Variants in MIS18BP1 observed in about 807,000 individuals in gnomAD.
MIS18BP1 encodes MIS18 binding protein 1, also known as mis18-binding protein 1.
In MIS18BP1, 72 loss-of-function variants were observed where a neutral mutation model predicts 116.1. The ratio of observed to expected loss-of-function variants is 0.62; its 90% confidence interval spans 0.51 to 0.75. MIS18BP1 has a LOEUF of 0.75. Among genes scored for constraint, MIS18BP1 ranks in the 30% least tolerant of loss-of-function variants. MIS18BP1 has a pLI of 0.00. For missense variants in MIS18BP1, 1,363 were observed against 1,303.2 expected (o/e 1.05, Z -0.71); for synonymous variants, 386 against 427.0 (o/e 0.90, Z 1.18).
chr14:45,235,914 A>G lies in MIS18BP1; in HGVS notation c.1248T>C (p.Asn416=), dbSNP rs1446035131. 6.2e-7 allele frequency: 1 copy of G among 1,610,758 alleles called. No homozygotes were observed. Among genetic ancestry groups the G allele is most frequent in the Non-Finnish European group, 8.5e-7 (1 of 1,178,368 alleles). ...TGTGCTCAATCCGCTCTATAATTAC[A>G]TTACTGTGCCAATATATGTTAGTGA... is the stretch of plus-strand genomic sequence containing the variant. The part of the protein sequence containing the change: ...IDVTNIYWHS[N]VIIERIEHNK... The change falls in exon 6 of 17, where the codon AAT becomes AAC. Residue 416 remains asparagine, a synonymous_variant. Coordinates refer to ENST00000310806, the MANE Select transcript of MIS18BP1 (RefSeq NM_018353.5).
Position 45,217,006 on chromosome 14 carries a change from T to C in MIS18BP1, c.3003+13A>G, listed in dbSNP as rs577970286. ...AATACAGATAAGGAAAACAATGATT[T>C]CATGCCTCTTACCAGTATTCTTTGA... On this transcript the variant is annotated intron_variant, in intron 13 of 16. Transcript: ENST00000310806. 2 of 1,611,022 alleles carry C rather than the reference T, an allele frequency of 1.2e-6. No individual in the cohort carries two copies. The highest frequency in any genetic ancestry group is 2.2e-5 in the South Asian group (2 of 90,648).
chr14:45,214,299 A>G (rs1265592240), intron 13 of MIS18BP1, among the ~76,000 whole-genome samples: 1 of 152,224 alleles, frequency 6.6e-6, no homozygotes, highest in Non-Finnish European at 1.5e-5. Context: ...AAACCGCCTT[A>G]AGGCTGGAGG....
In MIS18BP1 at chr14:45,218,468, A is replaced by C. The variant is rs1234434389; in HGVS notation, c.2670-14T>G. ...GATGCAAAAGCACTATGGAAGATCA[A>C]AACCAATTAAAGAATAAGAAATTCA... On this transcript the variant is annotated splice_polypyrimidine_tract_variant and intron_variant, in intron 11 of 16. Coordinates refer to ENST00000310806, the MANE Select transcript of MIS18BP1 (RefSeq NM_018353.5). The C allele has an allele frequency of 6.3e-7, 1 of 1,580,132 alleles. No individual in the cohort carries two copies. Among genetic ancestry groups the C allele is most frequent in the Non-Finnish European group, 8.5e-7 (1 of 1,170,080 alleles).
chr14:45,245,085 A>C (rs1483390387), intron 2 of MIS18BP1, among the ~76,000 whole-genome samples: 2 of 152,208 alleles, frequency 1.3e-5, no homozygotes, highest in African/African-American at 4.8e-5. Context: ...GTCTATGTTC[A>C]CTATTGCCAA....
At chr14:45,223,691 T>TTACTTTCCTCATACTTAGGCTTTCCTCG (rs1336577607) in intron 11 of MIS18BP1, among the ~76,000 whole-genome samples, 1 of 152,250 alleles carries the variant, frequency 6.6e-6, no homozygotes, top group African/African-American at 2.4e-5. Flanking sequence ...AAGGTCACTT[T>TTACTTTCCTCATACTTAGGCTTTCCTCG]TACTTTCCTC....
chr14:45,215,408 T>G (rs1280950387), intron 13 of MIS18BP1, among the ~76,000 whole-genome samples: 1 of 152,162 alleles, frequency 6.6e-6, no homozygotes, highest in African/African-American at 2.4e-5. Context: ...TCCACACATT[T>G]CTGCATTACT....
intron 1 of MIS18BP1, among the ~76,000 whole-genome samples, chr14:45,247,971 T>C (rs933265177): frequency 6.6e-6 from 1 of 152,022 alleles, no homozygotes; most frequent in African/African-American, 2.4e-5. Flanking sequence ...GTTTTCATTC[T>C]GATTTTTTTT....
intron 2 of MIS18BP1, among the ~76,000 whole-genome samples, chr14:45,246,404 C>A (rs1281284931): frequency 9.8e-5 from 15 of 152,286 alleles, no homozygotes; most frequent in Admixed American, 9.8e-4. Context: ...CCTCAAGATA[C>A]ATGTATCTGT....
chr14:45,225,144 T>A lies in MIS18BP1; in HGVS notation c.1841-398A>T, dbSNP rs1014363885. 2.6e-5 allele frequency among the ~76,000 whole-genome samples: 4 copies of A among 152,188 alleles called. No homozygotes were observed. In the East Asian group the frequency reaches 7.7e-4, roughly 29 times the overall value. On this transcript the variant is annotated intron_variant, in intron 10 of 16. Transcript: ENST00000310806. Reference sequence around the variant, plus strand: ...TTTTAATAATGTTGTCCACTCTGCTTTGAAGATGTTCTTCATTCATCTATA... The same window carrying A: ...TTTTAATAATGTTGTCCACTCTGCTATGAAGATGTTCTTCATTCATCTATA...
chr14:45,223,113 A>G (rs1287441709), intron 11 of MIS18BP1, among the ~76,000 whole-genome samples: 1 of 152,018 alleles, frequency 6.6e-6, no homozygotes, highest in Non-Finnish European at 1.5e-5. Context: ...AAACCAAACC[A>G]AACACTGGGG....
intron 13 of MIS18BP1, among the ~76,000 whole-genome samples, chr14:45,216,218 T>A (rs967792331): frequency 2.6e-5 from 4 of 152,226 alleles, no homozygotes; most frequent in African/African-American, 9.6e-5. Context: ...CTCTCAAGAA[T>A]AGAATAAATC....
intron 1 of MIS18BP1, among the ~76,000 whole-genome samples, chr14:45,248,955 G>A (rs1005406831): frequency 1.3e-5 from 2 of 152,160 alleles, no homozygotes; most frequent in Admixed American, 1.3e-4. Flanking sequence ...ACCCAGGCTG[G>A]AGTGCAGTGG....
At chr14:45,236,320 G>A (rs1891427687) in intron 5 of MIS18BP1, among the ~76,000 whole-genome samples, 6 of 152,150 alleles carry the variant, frequency 3.9e-5, no homozygotes, top group Admixed American at 3.9e-4. Flanking sequence ...CTTTTATGCA[G>A]AAAGTAGATT....
chr14:45,226,617 A>T (rs1235671382), intron 10 of MIS18BP1, 126 bp downstream of exon 10: 2 of 828,084 alleles, frequency 2.4e-6, no homozygotes, highest in African/African-American at 1.8e-5. Flanking sequence ...AAAACCAAAC[A>T]TTTAAAAACA....
At chr14:45,225,501 A>G (rs536970912) in intron 10 of MIS18BP1, among the ~76,000 whole-genome samples, 2 of 152,284 alleles carry the variant, frequency 1.3e-5, no homozygotes, top group East Asian at 3.9e-4. Flanking sequence ...TAAGAAAACC[A>G]GTAGTCACTG....
In MIS18BP1 at chr14:45,210,674, G is replaced by C. The variant is rs746672188; in HGVS notation, c.3004-146C>G. ...AAAAACAGTAGTACGTAGAGGAGTA[G>C]AGGCTAGAGGAACTCCATTTTAGAT... On this transcript the variant is annotated intron_variant, in intron 13 of 16. Coordinates refer to ENST00000310806, the MANE Select transcript of MIS18BP1 (RefSeq NM_018353.5). The C allele has an allele frequency of 2.2e-4, 197 of 879,008 alleles. 1 individual carries two copies. The highest frequency in any genetic ancestry group is 3.6e-4 in the African/African-American group (21 of 58,556). The allele number at this position is 879,008 out of a possible 1,614,324, so 54.5% of individuals were successfully genotyped here.
chr14:45,241,264 G>A (rs1033933822), intron 4 of MIS18BP1, among the ~76,000 whole-genome samples: 2 of 152,164 alleles, frequency 1.3e-5, no homozygotes, highest in African/African-American at 2.4e-5. Flanking sequence ...GAGGTCAGGA[G>A]TCAGAGACCA....
chr14:45,206,656 T>C (rs1315998288), intron 14 of MIS18BP1, among the ~76,000 whole-genome samples: 1 of 152,164 alleles, frequency 6.6e-6, no homozygotes, highest in Non-Finnish European at 1.5e-5. Flanking sequence ...AATGTGCCTA[T>C]GGAGATGGAC....
At chr14:45,220,353 CTTAT>C (rs1170539856) in intron 11 of MIS18BP1, among the ~76,000 whole-genome samples, 1 of 152,078 alleles carries the variant, frequency 6.6e-6, no homozygotes, top group Admixed American at 6.5e-5. Flanking sequence ...TTAAATAATT[CTTAT>C]TTATTGATAT....
Sources: gnomAD v4.1 joint callset for allele counts (sites outside exome capture counted in the v4.1 genomes callset) on GRCh38, gnomAD v4.1.1 for gene constraint, MANE v1.5 for transcripts, NCBI Gene and HGNC (gene_info 2026-07-23, HGNC 2026-07-21) for gene names.